The following LDB2 variants were observed in gnomAD, a reference collection of about 807,000 sequenced individuals.
LDB2 encodes LIM domain-binding protein 2.
LDB2 carries 12 observed loss-of-function variants against 44.3 expected under a neutral mutation model. The ratio of observed to expected loss-of-function variants is 0.27; its 90% CI spans 0.17 to 0.44. The LOEUF is 0.44. Among genes scored for constraint, LDB2 ranks in the 20% least tolerant of loss-of-function variants. The probability of loss-of-function intolerance (pLI) is 1.00; values close to 1 mark genes in which losing one functional copy is unlikely to be tolerated. For missense variants in LDB2, 344 were observed against 473.5 expected (o/e 0.73, Z 2.54); for synonymous variants, 164 against 174.8 (o/e 0.94, Z 0.49).
At chr4:16,748,590 T>C (rs1000776130) in intron 2 of LDB2, among the ~76,000 whole-genome samples, 8 of 152,182 alleles carry the variant, frequency 5.3e-5, no homozygotes, top group Middle Eastern at 3.2e-3. Context: ...CTCATCTACA[T>C]AAATAAGGTG....
At chr4:16,562,316 C>T (rs1384190999) in intron 5 of LDB2, among the ~76,000 whole-genome samples, 3 of 152,150 alleles carry the variant, frequency 2.0e-5, no homozygotes, top group Admixed American at 1.3e-4. Flanking sequence ...TCACAACCTA[C>T]TCATCTGACA....
chr4:16,577,759 C>G (rs1712350433), intron 5 of LDB2, among the ~76,000 whole-genome samples: 1 of 152,000 alleles, frequency 6.6e-6, no homozygotes, highest in Non-Finnish European at 1.5e-5. Flanking sequence ...CCCAGAATAG[C>G]CAAAGTTATC....
At chr4:16,701,613 A>G (rs945411787) in intron 2 of LDB2, among the ~76,000 whole-genome samples, 1 of 152,210 alleles carries the variant, frequency 6.6e-6, no homozygotes, top group Non-Finnish European at 1.5e-5. Flanking sequence ...GGAGTTAAGT[A>G]ACCTTTGGAA....
chr4:16,645,711 C>A (rs958120983), intron 2 of LDB2, among the ~76,000 whole-genome samples: 3 of 152,124 alleles, frequency 2.0e-5, no homozygotes, highest in African/African-American at 4.8e-5. Context: ...AAGCAGGGAT[C>A]TTTTTCTATT....
At chr4:16,657,675 A>C (rs1292024591) in intron 2 of LDB2, among the ~76,000 whole-genome samples, 1 of 152,174 alleles carries the variant, frequency 6.6e-6, no homozygotes, top group African/African-American at 2.4e-5. Context: ...GACCATATCA[A>C]GCTTATTCCC....
chr4:16,672,140 C>T (rs936205243), intron 2 of LDB2, among the ~76,000 whole-genome samples: 6 of 152,170 alleles, frequency 3.9e-5, no homozygotes, highest in Admixed American at 1.3e-4. Flanking sequence ...GAGCAACACC[C>T]TGTGAGGGAG....
intron 5 of LDB2, among the ~76,000 whole-genome samples, chr4:16,520,921 C>A (rs1374958644): frequency 6.6e-6 from 1 of 152,172 alleles, no homozygotes; most frequent in Admixed American, 6.5e-5. Context: ...GCCATAATTT[C>A]TCTGCCATAT....
rs182666325 is a variant in LDB2, at chr4:16,628,820, C to A, written c.236-32945G>T. 1.2e-4 allele frequency among the ~76,000 whole-genome samples: 18 copies of A among 152,276 alleles called. No individual in the cohort carries two copies. In the East Asian group the frequency reaches 3.5e-3, roughly 29 times the overall value. On this transcript the variant is annotated intron_variant, in intron 2 of 7. Coordinates refer to ENST00000304523, the MANE Select transcript of LDB2 (RefSeq NM_001290.5). ...GGGGTGTCACCTCACCCAGGAAGTG[C>A]AAGGGGTCAGGGGATCTCCCTTTCC...
At chr4:16,814,033 G>A (rs1303798755) in intron 1 of LDB2, among the ~76,000 whole-genome samples, 2 of 151,916 alleles carry the variant, frequency 1.3e-5, no homozygotes, top group Non-Finnish European at 2.9e-5. Flanking sequence ...CACCACGCCT[G>A]GCTAATTTTT....
chr4:16,760,554 C>T (rs550495047), intron 1 of LDB2, among the ~76,000 whole-genome samples: 2 of 152,152 alleles, frequency 1.3e-5, no homozygotes, highest in East Asian at 1.9e-4. Context: ...CATGGATCCA[C>T]GTACAAAGTA....
At chr4:16,897,296 A>G (rs1182126976) in intron 1 of LDB2, among the ~76,000 whole-genome samples, 4 of 152,142 alleles carry the variant, frequency 2.6e-5, no homozygotes, top group Non-Finnish European at 2.9e-5. Context: ...ATCTTGTGGT[A>G]TTTATACTCT....
chr4:16,863,831 T>C (rs900844748), intron 1 of LDB2, among the ~76,000 whole-genome samples: 2 of 152,124 alleles, frequency 1.3e-5, no homozygotes, highest in Non-Finnish European at 2.9e-5. Context: ...CGGCTAATTT[T>C]TTGTATTTTT....
chr4:16,845,971 T>C (rs1445224667), intron 1 of LDB2, among the ~76,000 whole-genome samples: 3 of 151,954 alleles, frequency 2.0e-5, no homozygotes, highest in African/African-American at 7.3e-5. Context: ...TAGCCAGGCG[T>C]GGCAGCATGC....
At chr4:16,577,641 C>T (rs1712284066) in intron 5 of LDB2, among the ~76,000 whole-genome samples, 1 of 152,124 alleles carries the variant, frequency 6.6e-6, no homozygotes, top group Non-Finnish European at 1.5e-5. Flanking sequence ...AATGTCCATA[C>T]TACCCAAAGC....
At chr4:16,667,163 T>C (rs1743490181) in intron 2 of LDB2, among the ~76,000 whole-genome samples, 1 of 152,122 alleles carries the variant, frequency 6.6e-6, no homozygotes, top group African/African-American at 2.4e-5. Flanking sequence ...TGCTCTTCCA[T>C]CTCTAGGCCT....
Position 16,588,750 on chromosome 4 carries a change from T to C in LDB2, c.491A>G (p.Gln164Arg). The C allele has an allele frequency of 6.2e-7, 1 of 1,613,912 alleles. No individual in the cohort carries two copies. Among genetic ancestry groups the C allele is most frequent in the Non-Finnish European group, 8.5e-7 (1 of 1,179,812 alleles). ...GCTTCTCGGGACTAACTCTCGGTAT[T>C]GTCTAATGGTAAAGTGCCATGTTTT... The part of the protein sequence containing the change: ...RIKTWHFTIR[Q>R]YRELVPRSIL... The change falls in exon 4 of 8, where the codon CAA (glutamine) becomes CGA (arginine). Residue 164 changes from glutamine to arginine, a missense_variant. Gln to Arg is a conservative substitution (Grantham distance 43, BLOSUM62 1). Transcript: ENST00000304523.
intron 2 of LDB2, among the ~76,000 whole-genome samples, chr4:16,706,514 A>G (rs1245813755): frequency 1.3e-5 from 2 of 152,234 alleles, no homozygotes; most frequent in African/African-American, 4.8e-5. Flanking sequence ...TAAGCCACCC[A>G]GTCTATGGTA....
chr4:16,779,371 G>A (rs1444173704), intron 1 of LDB2, among the ~76,000 whole-genome samples: 1 of 152,134 alleles, frequency 6.6e-6, no homozygotes, highest in African/African-American at 2.4e-5. Flanking sequence ...GAAACTAAGT[G>A]CGCTTTCGAA....
chr4:16,691,494 A>G (rs1750764670), intron 2 of LDB2, among the ~76,000 whole-genome samples: 1 of 152,242 alleles, frequency 6.6e-6, no homozygotes, highest in South Asian at 2.1e-4. Context: ...GAGGTAAAGA[A>G]CAGTGTAGAC....
Sources: allele counts gnomAD v4.1 joint callset (sites outside exome capture counted in the v4.1 genomes callset), GRCh38; gene constraint gnomAD v4.1.1; transcripts MANE v1.5; gene names NCBI Gene and HGNC (gene_info 2026-07-23, HGNC 2026-07-21).